The following PCDHGB3 variants were observed in gnomAD, a reference collection of about 807,000 sequenced individuals.
The protein encoded by PCDHGB3 is protocadherin gamma subfamily B, 3.
In PCDHGB3, 40 loss-of-function variants were observed where a neutral mutation model predicts 59.2. That is an observed-to-expected ratio of 0.68 (90% confidence interval 0.52 to 0.88). PCDHGB3 has a LOEUF of 0.88. PCDHGB3 is among the 40% of genes least tolerant of loss of function. The pLI is 0.00. For missense variants in PCDHGB3, 1,309 were observed against 1,187.9 expected (o/e 1.10, Z -1.50); for synonymous variants, 581 against 503.6 (o/e 1.15, Z -2.06).
At chr5:141,401,113 G>A (rs2094114942) in intron 1 of PCDHGB3, among the ~76,000 whole-genome samples, 1 of 152,192 alleles carries the variant, frequency 6.6e-6, no homozygotes, top group Non-Finnish European at 1.5e-5. Flanking sequence ...GGAGGCCGAG[G>A]CGGTTGGATC....
intron 1 of PCDHGB3, among the ~76,000 whole-genome samples, chr5:141,380,346 GTTGT>G (rs1424822944): frequency 2.0e-5 from 3 of 152,066 alleles, no homozygotes; most frequent in Non-Finnish European, 2.9e-5. Context: ...GAACTGTTTT[GTTGT>G]TTGTTTTTTA....
chr5:141,426,958 C>A (rs1176636556), intron 1 of PCDHGB3: 1 of 456,728 alleles, frequency 2.2e-6, no homozygotes, highest in South Asian at 1.5e-5. Context: ...GGCACTGCTG[C>A]AATTCAAATT....
At position 141,395,537 on chromosome 5, in the gene PCDHGB3, A is replaced by T. The variant is rs946783125; in HGVS notation, c.2415+22728A>T. 3.3e-5 allele frequency: 8 copies of T among 243,972 alleles called. No homozygotes were observed. In the African/African-American group the frequency reaches 3.8e-4, roughly 12 times the overall value. 15.1% of individuals were successfully genotyped at this position (243,972 alleles called of 1,614,324 possible). On this transcript the variant is annotated intron_variant, in intron 1 of 3. Transcript: ENST00000576222. ...ACCCGTCCATACTGGTAATTTTGCT[A>T]TTGTTTGTGTGTGTGTGTGTGTGTG...
chr5:141,377,398 G>A (rs1274775607), intron 1 of PCDHGB3: 1 of 152,106 alleles, frequency 6.6e-6, no homozygotes. Context: ...TTGAGACCAG[G>A]AGTTTGAGAC....
At chr5:141,424,092 C>G (rs1160250641) in intron 1 of PCDHGB3, 2 of 879,256 alleles carry the variant, frequency 2.3e-6, no homozygotes, top group Non-Finnish European at 2.8e-6. Context: ...CCATTATTTG[C>G]TATTACTGCT....
At chr5:141,506,682 C>T (rs1333272766) in intron 3 of PCDHGB3, among the ~76,000 whole-genome samples, 4 of 152,192 alleles carry the variant, frequency 2.6e-5, no homozygotes, top group African/African-American at 9.6e-5. Context: ...ATATTATTAT[C>T]TTTGCTGACC....
In PCDHGB3 at chr5:141,432,413, G is replaced by A; in HGVS notation, c.2415+59604G>A. 1.2e-6 allele frequency: 2 copies of A among 1,614,232 alleles called. No homozygotes were observed. The highest frequency in any genetic ancestry group is 2.2e-5 in the South Asian group (2 of 91,082). Reference sequence around the variant, plus strand: ...CAGCAACGTGTCGTTGAGCCTGTTCGTGCTGGACCAGAACGACAATGCGCC... The same window carrying A: ...CAGCAACGTGTCGTTGAGCCTGTTCATGCTGGACCAGAACGACAATGCGCC... On this transcript the variant is annotated intron_variant, in intron 1 of 3. Coordinates refer to ENST00000576222, the MANE Select transcript of PCDHGB3 (RefSeq NM_018924.5). The surrounding 1 kb of genome is among the most constrained non-coding windows in gnomAD (Gnocchi z 6.0).
chr5:141,449,916 T>C (rs1453191109), intron 1 of PCDHGB3, among the ~76,000 whole-genome samples: 1 of 151,912 alleles, frequency 6.6e-6, no homozygotes, highest in East Asian at 1.9e-4. Context: ...CATATTTAAA[T>C]TCTACCATAC....
chr5:141,442,153 C>T, intron 1 of PCDHGB3: 1 of 158,698 alleles, frequency 6.3e-6, no homozygotes, highest in Non-Finnish European at 1.4e-5. Flanking sequence ...CAGACCTCAG[C>T]GATCACTCTG....
rs374200575 is a variant in PCDHGB3, at chr5:141,432,105, C to T, written c.2415+59296C>T. On this transcript the variant is annotated intron_variant, in intron 1 of 3. Transcript: ENST00000576222. The surrounding 1 kb of genome is among the most constrained non-coding windows in gnomAD (Gnocchi z 6.0). ...AACGTGGCAGACACCAACGACAACC[C>T]GCCGGTCTTCCCTCAGGCCTCCTAT... 1.9e-6 allele frequency: 3 copies of T among 1,614,172 alleles called. No homozygotes were observed. Among genetic ancestry groups the T allele is most frequent in the Admixed American group, 3.3e-5 (2 of 60,032 alleles).
At chr5:141,410,100 G>A in intron 1 of PCDHGB3, 1 of 1,612,736 alleles carries the variant, frequency 6.2e-7, no homozygotes, top group Non-Finnish European at 8.5e-7. Context: ...CGAGCCTTAG[G>A]CGACAGGGAC....
intron 1 of PCDHGB3, chr5:141,409,528 C>T (rs1488294674): frequency 3.1e-6 from 5 of 1,613,882 alleles, no homozygotes; most frequent in Non-Finnish European, 4.2e-6. Context: ...CCTTGTATGT[C>T]GCTGACATCA....
In PCDHGB3 at chr5:141,451,935, A is replaced by G. The variant is rs148815534; in HGVS notation, c.2416-42872A>G. Among the ~76,000 whole-genome samples, 120 of 152,282 alleles carry G rather than the reference A, an allele frequency of 7.9e-4. 5 individuals carry two copies. The East Asian group carries it at 0.017, about 21-fold the overall frequency. ...GAGGAAGGAAGGGAGGTAGGGAGGC[A>G]GGGAAAGACCGAGAAAGTGACATAC... On this transcript the variant is annotated intron_variant, in intron 1 of 3. Coordinates refer to ENST00000576222, the MANE Select transcript of PCDHGB3 (RefSeq NM_018924.5).
At chr5:141,373,589 G>A (rs1769704620) in intron 1 of PCDHGB3, among the ~76,000 whole-genome samples, 2 of 152,242 alleles carry the variant, frequency 1.3e-5, no homozygotes, top group African/African-American at 2.4e-5. Flanking sequence ...GTGGTGAAAT[G>A]TGATGATAAT....
At chr5:141,500,929 C>T (rs1347340945) in intron 2 of PCDHGB3, among the ~76,000 whole-genome samples, 2 of 151,210 alleles carry the variant, frequency 1.3e-5, no homozygotes, top group South Asian at 2.1e-4. Flanking sequence ...GGTGCAGTGG[C>T]GCCATCTCGG....
chr5:141,393,984 C>G (rs1176875822), intron 1 of PCDHGB3: 1 of 1,613,570 alleles, frequency 6.2e-7, no homozygotes, highest in South Asian at 1.1e-5. Flanking sequence ...TGATAATTTA[C>G]CTTTTAAATT....
At chr5:141,391,305 T>G (rs2092341171) in intron 1 of PCDHGB3, 1 of 151,546 alleles carries the variant, frequency 6.6e-6, no homozygotes, top group Non-Finnish European at 1.5e-5. Context: ...GTCTTTCGAT[T>G]CTTTTTTTTT....
intron 1 of PCDHGB3, chr5:141,422,866 G>C: frequency 1.2e-6 from 2 of 1,614,216 alleles, no homozygotes; most frequent in Non-Finnish European, 8.5e-7. Context: ...CAGCAGCAAC[G>C]TGTCGCTGAG....
intron 1 of PCDHGB3, chr5:141,412,746 C>T (rs2095574250): frequency 6.5e-6 from 1 of 154,106 alleles, no homozygotes; most frequent in Non-Finnish European, 1.4e-5. Context: ...ATATATTTAA[C>T]CAAACATTAT....
Sources: allele counts gnomAD v4.1 joint callset (sites outside exome capture counted in the v4.1 genomes callset), GRCh38; gene constraint gnomAD v4.1.1; non-coding constraint Gnocchi (gnomAD v3.1); transcripts MANE v1.5; gene names NCBI Gene and HGNC (gene_info 2026-07-23, HGNC 2026-07-21).